The following MRPL44 variants were observed in gnomAD, a reference collection of about 807,000 sequenced individuals.
MRPL44 encodes large ribosomal subunit protein mL44.
A neutral mutation model predicts 25.9 loss-of-function variants in MRPL44; 21 were observed. That is an observed-to-expected ratio of 0.81 (90% CI 0.58 to 1.17). MRPL44 has a LOEUF of 1.17. Among genes scored for constraint, MRPL44 ranks in the 50% most tolerant of loss-of-function variants. The pLI is 0.00. For missense variants in MRPL44, 410 were observed against 398.9 expected, an observed-to-expected ratio of 1.03 and a Z score of -0.24; for synonymous variants, 169 against 151.0, an observed-to-expected ratio of 1.12 and a Z score of -0.87.
At chr2:223,958,883 G>A (rs1254228032) in intron 1 of MRPL44, among the ~76,000 whole-genome samples, 2 of 152,148 alleles carry the variant, frequency 1.3e-5, no homozygotes, top group African/African-American at 2.4e-5. Context: ...AGCAATATAT[G>A]TACCTTAATT....
upstream of MRPL44, among the ~76,000 whole-genome samples, chr2:223,952,801 CAT>C (rs1206309403): frequency 6.6e-6 from 1 of 152,176 alleles, no homozygotes; most frequent in Non-Finnish European, 1.5e-5. Context: ...ATTTTCTGTA[CAT>C]ACTTTTTCCT....
Position 223,960,018 on chromosome 2 carries a change from T to G in MRPL44, c.648+16T>G. 1 of 1,550,796 alleles carries G rather than the reference T, an allele frequency of 6.4e-7. No homozygotes were observed. Among genetic ancestry groups the G allele is most frequent in the Non-Finnish European group, 8.8e-7 (1 of 1,134,946 alleles). On this transcript the variant is annotated intron_variant, in intron 2 of 3. Coordinates refer to ENST00000258383, the MANE Select transcript of MRPL44 (RefSeq NM_022915.5). ...TTTCATCAGGGTACGTAACTATTAATTGGACATGCTTGAGATAGACAGAAG... is the reference window on the plus strand; with the variant it reads ...TTTCATCAGGGTACGTAACTATTAAGTGGACATGCTTGAGATAGACAGAAG...
chr2:223,951,478 G>GTTTTTTTTTGTTTTTTTTTTTTTTTTTT, the MRPL44 span, among the ~76,000 whole-genome samples: 7 of 112,546 alleles, frequency 6.2e-5, no homozygotes, highest in East Asian at 1.5e-3. Context: ...TTACCTTGGA[G>GTTTTTTTTTGTTTTTTTTTTTTTTTTTT]TTTTTTTTTT....
the MRPL44 span, among the ~76,000 whole-genome samples, chr2:223,951,478 GTTTT>G: frequency 0.018 from 2,045 of 112,544 alleles, 76 homozygotes; most frequent in African/African-American, 0.065. Flanking sequence ...TTACCTTGGA[GTTTT>G]TTTTTTTTTT....
intron 3 of MRPL44, among the ~76,000 whole-genome samples, chr2:223,965,292 A>C (rs768455846): frequency 6.6e-6 from 1 of 152,174 alleles, no homozygotes; most frequent in Non-Finnish European, 1.5e-5. Flanking sequence ...CCTTTGTTTC[A>C]TTTCCAATTA....
chr2:223,964,870 G>C (rs1325879316), intron 3 of MRPL44, among the ~76,000 whole-genome samples: 1 of 151,996 alleles, frequency 6.6e-6, no homozygotes, highest in Non-Finnish European at 1.5e-5. Flanking sequence ...ACAGTTGCTG[G>C]GACATGGTGG....
upstream of MRPL44, among the ~76,000 whole-genome samples, chr2:223,956,274 C>T (rs77943529): frequency 7.6e-3 from 1,150 of 152,300 alleles, 22 homozygotes; most frequent in African/African-American, 0.026. Context: ...CCCTCTTTTG[C>T]TCTCTCCCTC....
chr2:223,957,689 T>C, intron 1 of MRPL44, 38 bp downstream of exon 1: 6 of 1,574,504 alleles, frequency 3.8e-6, no homozygotes, highest in Non-Finnish European at 5.1e-6. Context: ...AGGGTGGCGG[T>C]CGCAGACACT....
At chr2:223,966,417 A>C (rs1689742243) in intron 3 of MRPL44, among the ~76,000 whole-genome samples, 4 of 152,128 alleles carry the variant, frequency 2.6e-5, no homozygotes, top group Admixed American at 2.0e-4. Flanking sequence ...AATAGTCATA[A>C]TTCCTGATAA....
chr2:223,967,268 T>C lies in MRPL44; in HGVS notation c.*234T>C. 1 of 426,030 alleles carries C rather than the reference T, an allele frequency of 2.3e-6. No individual in the cohort carries two copies. Among genetic ancestry groups the C allele is most frequent in the Non-Finnish European group, 4.1e-6 (1 of 241,070 alleles). The allele number at this position is 426,030 out of a possible 1,614,324, so 26.4% of individuals were successfully genotyped here. The stretch of plus-strand genomic sequence containing the variant: ...TTTCTCTTGAGATGGAGTCTTACTC[T>C]GTCGCCCAGGCTGGACTGCAGTGGT... On this transcript the variant is annotated 3_prime_UTR_variant, in exon 4 of 4. Transcript: ENST00000258383.
chr2:223,959,839 G>A lies in MRPL44; in HGVS notation c.485G>A (p.Gly162Asp). 6.2e-7 allele frequency: 1 copy of A among 1,614,186 alleles called. No individual in the cohort carries two copies. The highest frequency in any genetic ancestry group is 8.5e-7 in the Non-Finnish European group (1 of 1,180,016). The change falls in exon 2 of 4, where the codon GGT becomes GAT. Residue 162 changes from glycine (G) to aspartate (D), a missense_variant. Coordinates refer to ENST00000258383, the MANE Select transcript of MRPL44 (RefSeq NM_022915.5). ...GIKNLVDFLT[G>D]EEVVCHVARN... Reference sequence around the variant, plus strand: ...AAAAATCTTGTTGACTTTCTCACTGGTGAGGAAGTCGTGTGTCACGTGGCT... The same window carrying A: ...AAAAATCTTGTTGACTTTCTCACTGATGAGGAAGTCGTGTGTCACGTGGCT...
Position 223,957,480 on chromosome 2 carries a change from C to G in MRPL44, c.8C>G (p.Ser3Cys). The G allele has an allele frequency of 6.2e-7, 1 of 1,614,158 alleles. No homozygotes were observed. Among genetic ancestry groups the G allele is most frequent in the South Asian group, 1.1e-5 (1 of 91,092 alleles). ...ATCGTTTTCTCTCGTGCAATGGCGT[C>G]CGGGCTGGTAAGATTGCTGCAGCAG... is the stretch of plus-strand genomic sequence containing the variant. MA[S>C]GLVRLLQQGH... The change falls in exon 1 of 4, where the codon TCC becomes TGC. Residue 3 changes from serine (S) to cysteine (C), a missense_variant. Transcript: ENST00000258383.
chr2:223,958,377 A>G (rs1226629682), intron 1 of MRPL44, among the ~76,000 whole-genome samples: 1 of 152,218 alleles, frequency 6.6e-6, no homozygotes, highest in Non-Finnish European at 1.5e-5. Context: ...GAAAGCTATT[A>G]GTACTTTAAC....
chr2:223,957,409 A>G, upstream of MRPL44: 2 of 1,583,686 alleles, frequency 1.3e-6, no homozygotes, highest in Non-Finnish European at 1.7e-6. Flanking sequence ...TTCCGGGGGA[A>G]GTGTGTTACG....
chr2:223,959,853 T>G lies in MRPL44; in HGVS notation c.499T>G (p.Cys167Gly). 2 of 1,614,194 alleles carry G rather than the reference T, an allele frequency of 1.2e-6. No individual in the cohort carries two copies. Among genetic ancestry groups the G allele is most frequent in the Non-Finnish European group, 1.7e-6 (2 of 1,180,034 alleles). ...CTTTCTCACTGGTGAGGAAGTCGTG[T>G]GTCACGTGGCTAGAAACTTGGCTGT... is the stretch of plus-strand genomic sequence containing the variant. ...VDFLTGEEVV[C>G]HVARNLAVEQ... is the part of the protein sequence containing the mutation. Residue 167 changes from cysteine to glycine, a missense_variant, in exon 2 of 4, where the codon TGT (cysteine) becomes GGT (glycine). Coordinates refer to ENST00000258383, the MANE Select transcript of MRPL44 (RefSeq NM_022915.5).
chr2:223,954,563 C>A (rs1689536748), upstream of MRPL44, among the ~76,000 whole-genome samples: 1 of 152,216 alleles, frequency 6.6e-6, no homozygotes, highest in Non-Finnish European at 1.5e-5. Context: ...AATTCTAAGA[C>A]AGCTCATTCA....
At chr2:223,962,438 C>CTCCA (rs111442003) in intron 2 of MRPL44, among the ~76,000 whole-genome samples, 2,024 of 152,000 alleles carry the variant, frequency 0.013, 29 homozygotes, top group African/African-American at 0.041. Flanking sequence ...TTCCCTCTGC[C>CTCCA]TCCATCCATC....
chr2:223,959,980 A>T lies in MRPL44; in HGVS notation c.626A>T (p.Glu209Val). 6.2e-7 allele frequency: 1 copy of T among 1,613,124 alleles called. No homozygotes were observed. The highest frequency in any genetic ancestry group is 2.2e-5 in the East Asian group (1 of 44,878). Residue 209 changes from glutamate (E) to valine (V), a missense_variant, in exon 2 of 4, where the codon GAG becomes GTG. Physicochemically the swap from Glu to Val is moderately radical, Grantham distance 121. Transcript: ENST00000258383. ...IGALLQSSGP[E>V]RTALFIRDFL... ...GCCCTGTTACAGAGCAGTGGACCTG[A>T]GAGGACTGCACTTTTCATCAGGGTA...
In MRPL44 at chr2:223,959,958, C is replaced by G. The variant is rs2106116777; in HGVS notation, c.604C>G (p.Leu202Val). Reference sequence around the variant, plus strand: ...GACTTTCTTTGCAGTTATTGGAGCCCTGTTACAGAGCAGTGGACCTGAGAG... The same window carrying G: ...GACTTTCTTTGCAGTTATTGGAGCCGTGTTACAGAGCAGTGGACCTGAGAG... ...QQTFFAVIGALLQSSGPERTA... is the reference protein window; with the variant it reads ...QQTFFAVIGAVLQSSGPERTA... The change falls in exon 2 of 4, where the codon CTG becomes GTG. Residue 202 changes from leucine (L) to valine (V), a missense_variant. Transcript: ENST00000258383. The G allele has an allele frequency of 5.6e-6, 9 of 1,614,142 alleles. No individual in the cohort carries two copies. Among genetic ancestry groups the G allele is most frequent in the Non-Finnish European group, 7.6e-6 (9 of 1,180,018 alleles).
Sources: allele counts gnomAD v4.1 joint callset (sites outside exome capture counted in the v4.1 genomes callset), GRCh38; gene constraint gnomAD v4.1.1; transcripts MANE v1.5; gene names NCBI Gene and HGNC (gene_info 2026-07-23, HGNC 2026-07-21).